PTPRD: variants seen among roughly 807,000 people sequenced by gnomAD.
PTPRD encodes the protein protein tyrosine phosphatase receptor type D.
A neutral mutation model predicts 214.5 loss-of-function variants in PTPRD; 34 were observed. The ratio of observed to expected loss-of-function variants is 0.16; its 90% CI spans 0.12 to 0.21. PTPRD has a LOEUF of 0.21. PTPRD is among the 10% of genes least tolerant of loss of function. PTPRD has a pLI of 1.00. For synonymous variants in PTPRD, 1,128 were observed against 845.7 expected (o/e 1.33, Z -5.79); for missense variants, 2,545 against 2,398.7 (o/e 1.06, Z -1.27).
At chr9:8,387,155 A>G (rs1052499552) in intron 37 of PTPRD, among the ~76,000 whole-genome samples, 1 of 152,248 alleles carries the variant, frequency 6.6e-6, no homozygotes, top group Admixed American at 6.5e-5. Flanking sequence ...GGAGAAAGCT[A>G]ACTTGCAAGA....
intron 12 of PTPRD, among the ~76,000 whole-genome samples, chr9:8,653,558 C>T (rs1255286941): frequency 6.6e-6 from 1 of 152,114 alleles, no homozygotes; most frequent in Non-Finnish European, 1.5e-5. Flanking sequence ...TTCTGAATGG[C>T]TAAGCTTTGC....
intron 7 of PTPRD, among the ~76,000 whole-genome samples, chr9:9,675,257 G>C (rs1486900975): frequency 6.6e-6 from 1 of 151,738 alleles, no homozygotes; most frequent in Non-Finnish European, 1.5e-5. Flanking sequence ...GTTTTTGTTT[G>C]TATCAAAATC....
At chr9:9,119,786 A>C (rs929751270) in intron 10 of PTPRD, among the ~76,000 whole-genome samples, 3 of 151,484 alleles carry the variant, frequency 2.0e-5, no homozygotes, top group Non-Finnish European at 4.4e-5. Flanking sequence ...AGCCTCCCAA[A>C]GTGCTAGGAT....
intron 2 of PTPRD, among the ~76,000 whole-genome samples, chr9:10,561,901 ATAAG>A (rs1409444788): frequency 6.6e-6 from 1 of 152,160 alleles, no homozygotes; most frequent in Non-Finnish European, 1.5e-5. Context: ...TGGCTTATAA[ATAAG>A]TATGTATTTT....
chr9:9,599,148 T>G lies in PTPRD; in HGVS notation c.-286-24367A>C, dbSNP rs141729001. ...AAATGAATATAATTATTACTACATT[T>G]CTAGAATCCAATAAAAGGTGACATT... On this transcript the variant is annotated intron_variant, in intron 7 of 45. Transcript: ENST00000381196. 5.7e-3 allele frequency among the ~76,000 whole-genome samples: 864 copies of G among 152,192 alleles called. 7 individuals are homozygous for G. The highest frequency in any genetic ancestry group is 0.024 in the South Asian group (116 of 4,828).
chr9:10,156,287 C>A (rs563335789), intron 3 of PTPRD, among the ~76,000 whole-genome samples: 1 of 152,058 alleles, frequency 6.6e-6, no homozygotes, highest in African/African-American at 2.4e-5. Flanking sequence ...TCTAAATTTC[C>A]TTCTTAACAC....
At chr9:8,391,047 G>C (rs2089362173) in intron 36 of PTPRD, among the ~76,000 whole-genome samples, 1 of 150,478 alleles carries the variant, frequency 6.6e-6, no homozygotes, top group Admixed American at 6.6e-5. Context: ...GCACTTTATA[G>C]GAATGTCAGC....
intron 2 of PTPRD, among the ~76,000 whole-genome samples, chr9:10,364,857 A>G (rs918414668): frequency 1.3e-5 from 2 of 152,196 alleles, no homozygotes; most frequent in East Asian, 3.9e-4. Context: ...TTTCAGAATT[A>G]CATTTCCAAT....
chr9:9,617,594 T>C (rs1593162221), intron 7 of PTPRD, among the ~76,000 whole-genome samples: 1 of 152,114 alleles, frequency 6.6e-6, no homozygotes, highest in Non-Finnish European at 1.5e-5. Flanking sequence ...GAGAAGCTTC[T>C]GCAAAGGTAA....
At chr9:9,996,484 C>T (rs1355834857) in intron 4 of PTPRD, among the ~76,000 whole-genome samples, 1 of 152,182 alleles carries the variant, frequency 6.6e-6, no homozygotes, top group Admixed American at 6.5e-5. Flanking sequence ...ATCAGGAAGA[C>T]TTATGCCTGG....
At chr9:9,368,695 G>C (rs925034080) in intron 9 of PTPRD, among the ~76,000 whole-genome samples, 2 of 151,770 alleles carry the variant, frequency 1.3e-5, no homozygotes, top group African/African-American at 4.8e-5. Context: ...TATGAACCTA[G>C]GGTAGGAAAA....
chr9:8,748,754 A>G lies in PTPRD; in HGVS notation c.-103-14808T>C, dbSNP rs1382562699. 2.0e-5 allele frequency among the ~76,000 whole-genome samples: 3 copies of G among 152,096 alleles called. No individual in the cohort carries two copies. In the South Asian group the frequency reaches 6.2e-4, roughly 32 times the overall value. ...TGGAGAAATCCCATCTCTACTAAAA[A>G]TACAAGATTAGCCAGGCATGGTGGC... is the stretch of plus-strand genomic sequence containing the variant. On this transcript the variant is annotated intron_variant, in intron 11 of 45. Transcript: ENST00000381196.
intron 9 of PTPRD, among the ~76,000 whole-genome samples, chr9:9,373,760 T>C (rs2060115192): frequency 6.6e-6 from 1 of 152,116 alleles, no homozygotes; most frequent in Non-Finnish European, 1.5e-5. Flanking sequence ...TTGCAAAGAT[T>C]TGACTATGCA....
intron 8 of PTPRD, among the ~76,000 whole-genome samples, chr9:9,483,165 G>C (rs1349244173): frequency 6.6e-6 from 1 of 152,128 alleles, no homozygotes; most frequent in African/African-American, 2.4e-5. Flanking sequence ...TAGAAATCAT[G>C]CATAGAACAT....
At chr9:9,631,192 C>CATAAATAAATAAATAAATAA (rs140642091) in intron 7 of PTPRD, among the ~76,000 whole-genome samples, 1 of 139,500 alleles carries the variant, frequency 7.2e-6, no homozygotes, top group African/African-American at 2.7e-5. Context: ...GTATCTCATT[C>CATAAATAAATAAATAAATAA]ATAAATAAAT....
chr9:8,376,158 G>A (rs2134853112), intron 38 of PTPRD, 68 bp from the exon 39 acceptor site: 1 of 1,565,708 alleles, frequency 6.4e-7, no homozygotes, highest in Non-Finnish European at 8.7e-7. Flanking sequence ...GAATAACAGG[G>A]AAGAGGTAAT....
chr9:9,273,460 A>G (rs1010122292), intron 9 of PTPRD, among the ~76,000 whole-genome samples: 4 of 151,372 alleles, frequency 2.6e-5, no homozygotes, highest in Non-Finnish European at 4.4e-5. Context: ...GAACTTTAAA[A>G]TACATAAACT....
At chr9:8,638,997 C>T (rs894215805) in intron 12 of PTPRD, among the ~76,000 whole-genome samples, 3 of 152,138 alleles carry the variant, frequency 2.0e-5, no homozygotes, top group African/African-American at 7.2e-5. Flanking sequence ...TGCGTACCAC[C>T]ACGCTCAGCT....
intron 3 of PTPRD, among the ~76,000 whole-genome samples, chr9:10,315,315 T>C (rs1285715378): frequency 6.6e-6 from 1 of 151,900 alleles, no homozygotes; most frequent in Non-Finnish European, 1.5e-5. Flanking sequence ...ATATGAGATA[T>C]ATCTAAATCA....
Sources: gnomAD v4.1 joint callset for allele counts (sites outside exome capture counted in the v4.1 genomes callset) on GRCh38, gnomAD v4.1.1 for gene constraint, MANE v1.5 for transcripts, NCBI Gene and HGNC (gene_info 2026-07-23, HGNC 2026-07-21) for gene names.